Variants in TULP4 observed in about 807,000 individuals in gnomAD.
The protein encoded by TULP4 is TUB like protein 4.
Under a neutral mutation model 129.0 loss-of-function variants are expected in TULP4, and 16 were observed. The ratio of observed to expected loss-of-function variants is 0.12; its 90% CI spans 0.08 to 0.19. The LOEUF (loss-of-function observed/expected upper bound fraction) is 0.19. TULP4 is among the 10% of genes least tolerant of loss of function. TULP4 has a pLI of 1.00. For missense variants in TULP4, 1,842 were observed against 2,059.1 expected, an observed-to-expected ratio of 0.89 and a Z score of 2.04; for synonymous variants, 998 against 854.0, an observed-to-expected ratio of 1.17 and a Z score of -2.94.
intron 1 of TULP4, among the ~76,000 whole-genome samples, chr6:158,401,047 TTTTTTGTTGTTG>T (rs925139873): frequency 1.7e-4 from 19 of 112,250 alleles, no homozygotes; most frequent in African/African-American, 2.8e-4. Context: ...TTTGTTTGGG[TTTTTTGTTGTTG>T]TTGTTGTTGT....
At chr6:158,341,578 T>C (rs1780182330) in intron 1 of TULP4, among the ~76,000 whole-genome samples, 1 of 152,204 alleles carries the variant, frequency 6.6e-6, no homozygotes, top group African/African-American at 2.4e-5. Context: ...GCATCTGTTA[T>C]TGCCTTTCTT....
At chr6:158,461,183 G>A (rs1161012640) in intron 5 of TULP4, among the ~76,000 whole-genome samples, 2 of 152,280 alleles carry the variant, frequency 1.3e-5, no homozygotes, top group Admixed American at 6.5e-5. Flanking sequence ...AGGCCAAGGC[G>A]GGCAGATCAC....
intron 2 of TULP4, among the ~76,000 whole-genome samples, chr6:158,419,888 G>A (rs997045188): frequency 6.6e-6 from 1 of 152,158 alleles, no homozygotes; most frequent in Non-Finnish European, 1.5e-5. Flanking sequence ...ACATTTTAAC[G>A]ACAGTCAGCA....
intron 1 of TULP4, among the ~76,000 whole-genome samples, chr6:158,232,571 A>G (rs1777617592): frequency 6.6e-6 from 1 of 151,228 alleles, no homozygotes; most frequent in Admixed American, 6.6e-5. Context: ...CGTGTGAGAA[A>G]ATGGGGCGAA....
chr6:158,469,652 G>A (rs899170400), intron 6 of TULP4, among the ~76,000 whole-genome samples: 5 of 152,020 alleles, frequency 3.3e-5, no homozygotes, highest in African/African-American at 1.2e-4. Flanking sequence ...GACTAGAACT[G>A]AGGCAAGAGA....
chr6:158,239,424 C>A (rs1777805880), intron 1 of TULP4, among the ~76,000 whole-genome samples: 3 of 71,472 alleles, frequency 4.2e-5, no homozygotes, highest in African/African-American at 1.3e-4. Context: ...GACCCCCCCA[C>A]CTCCCTCCCG....
chr6:158,273,699 C>T (rs773520929), intron 1 of TULP4, among the ~76,000 whole-genome samples: 6 of 152,132 alleles, frequency 3.9e-5, no homozygotes, highest in Admixed American at 6.6e-5. Context: ...TATTATGTGC[C>T]GGCACTGCCT....
At chr6:158,243,670 G>A (rs1319280349) in intron 1 of TULP4, among the ~76,000 whole-genome samples, 3 of 152,038 alleles carry the variant, frequency 2.0e-5, no homozygotes, top group African/African-American at 7.2e-5. Flanking sequence ...CATTGTAGAG[G>A]CTAAATCAAA....
intron 3 of TULP4, among the ~76,000 whole-genome samples, chr6:158,444,064 CA>C (rs750050982): frequency 9.8e-4 from 149 of 151,512 alleles, no homozygotes; most frequent in Non-Finnish European, 1.7e-3. Context: ...CTAAAAAATA[CA>C]AAAAATTAGC....
chr6:158,245,916 C>T (rs981737412), intron 1 of TULP4, among the ~76,000 whole-genome samples: 17 of 152,096 alleles, frequency 1.1e-4, no homozygotes, highest in African/African-American at 3.9e-4. Context: ...GTTTAGGTAA[C>T]CATGGTCTCA....
At chr6:158,319,999 A>G (rs1200139976) in intron 1 of TULP4, among the ~76,000 whole-genome samples, 1 of 152,236 alleles carries the variant, frequency 6.6e-6, no homozygotes, top group Non-Finnish European at 1.5e-5. Context: ...CAAAAAATGA[A>G]TGATCAGCCA....
intron 1 of TULP4, among the ~76,000 whole-genome samples, chr6:158,325,623 G>A (rs566298970): frequency 1.3e-5 from 2 of 152,202 alleles, no homozygotes; most frequent in South Asian, 2.1e-4. Context: ...AAGTACTGGG[G>A]TTCAGGCGTG....
intron 9 of TULP4, among the ~76,000 whole-genome samples, chr6:158,491,238 C>T (rs1484350437): frequency 6.6e-6 from 1 of 152,142 alleles, no homozygotes; most frequent in Non-Finnish European, 1.5e-5. Context: ...GGTGTAGTGG[C>T]ATCTCATTTC....
chr6:158,349,015 C>A (rs867488428), intron 1 of TULP4, among the ~76,000 whole-genome samples: 222 of 53,622 alleles, frequency 4.1e-3, no homozygotes, highest in East Asian at 0.015. Context: ...CTCCTCACTT[C>A]CCAGACGGGG....
intron 1 of TULP4, chr6:158,237,309 A>C: frequency 1.3e-6 from 2 of 1,574,174 alleles, no homozygotes; most frequent in Non-Finnish European, 1.7e-6. Context: ...ACTAGTTTAA[A>C]AACAGCCTTC....
chr6:158,251,101 G>A (rs1778132104), intron 1 of TULP4, among the ~76,000 whole-genome samples: 1 of 152,204 alleles, frequency 6.6e-6, no homozygotes, highest in African/African-American at 2.4e-5. Flanking sequence ...TCACAAAAGA[G>A]CCCTGAGAAG....
intron 3 of TULP4, among the ~76,000 whole-genome samples, chr6:158,448,613 A>G (rs556328561): frequency 2.0e-5 from 3 of 152,314 alleles, no homozygotes; most frequent in Admixed American, 1.3e-4. Flanking sequence ...AGAAAATAAT[A>G]ACAACAAATC....
At chr6:158,268,587 A>G (rs1422906201) in intron 1 of TULP4, among the ~76,000 whole-genome samples, 1 of 152,176 alleles carries the variant, frequency 6.6e-6, no homozygotes, top group Non-Finnish European at 1.5e-5. Context: ...ATCACTTCCC[A>G]AAGGCCCCAC....
intron 1 of TULP4, among the ~76,000 whole-genome samples, chr6:158,302,592 C>A (rs139225973): frequency 6.6e-6 from 1 of 152,056 alleles, no homozygotes; most frequent in South Asian, 2.1e-4. Flanking sequence ...AGAGAGCGGC[C>A]GCTGCTCAAT....
Sources: gnomAD v4.1 joint callset for allele counts (sites outside exome capture counted in the v4.1 genomes callset) on GRCh38, gnomAD v4.1.1 for gene constraint, MANE v1.5 for transcripts, NCBI Gene and HGNC (gene_info 2026-07-23, HGNC 2026-07-21) for gene names.